SMAD3: variants seen among roughly 807,000 people sequenced by gnomAD.
The protein encoded by SMAD3 is MAD homolog 3.
In SMAD3, 12 loss-of-function variants were observed where a neutral mutation model predicts 51.8. The ratio of observed to expected loss-of-function variants is 0.23; its 90% CI spans 0.15 to 0.38. The LOEUF is 0.38. Among genes scored for constraint, SMAD3 ranks in the 10% least tolerant of loss-of-function variants. The pLI, the probability that SMAD3 is intolerant of heterozygous loss-of-function variation, is 1.00. For synonymous variants in SMAD3, 238 were observed against 227.7 expected (o/e 1.05, Z -0.41); for missense variants, 294 against 565.6 (o/e 0.52, Z 4.87).
chr15:67,174,052 T>C (rs1208411784), intron 5 of SMAD3, among the ~76,000 whole-genome samples: 1 of 152,222 alleles, frequency 6.6e-6, no homozygotes, highest in East Asian at 1.9e-4. Context: ...CATGAACACA[T>C]GTGGCAGCCT....
intron 1 of SMAD3, among the ~76,000 whole-genome samples, chr15:67,161,689 T>C (rs545026650): frequency 1.3e-5 from 2 of 152,270 alleles, no homozygotes; most frequent in East Asian, 3.9e-4. Context: ...ACCCTACTTA[T>C]CCAGGGCTGG....
At chr15:67,151,455 C>T (rs1314760829) in intron 1 of SMAD3, among the ~76,000 whole-genome samples, 1 of 152,132 alleles carries the variant, frequency 6.6e-6, no homozygotes, top group East Asian at 1.9e-4. Context: ...GCCTCAGCCT[C>T]CTGAGTAGCT....
chr15:67,169,657 C>T (rs1397266471), intron 4 of SMAD3, among the ~76,000 whole-genome samples: 1 of 143,182 alleles, frequency 7.0e-6, no homozygotes. Context: ...GAGACAGGGT[C>T]TCCCTATATC....
chr15:67,149,693 A>G (rs1407338149), intron 1 of SMAD3, among the ~76,000 whole-genome samples: 1 of 152,040 alleles, frequency 6.6e-6, no homozygotes, highest in African/African-American at 2.4e-5. Context: ...GTACCCTTAG[A>G]CAGAAAGGAA....
At chr15:67,137,990 C>T in intron 1 of SMAD3, 1 of 1,474,286 alleles carries the variant, frequency 6.8e-7, no homozygotes, top group African/African-American at 1.4e-5. Flanking sequence ...ATCAGAATCC[C>T]TCCCTCCCGT....
intron 1 of SMAD3, among the ~76,000 whole-genome samples, chr15:67,141,116 C>T (rs1271332010): frequency 2.0e-5 from 3 of 152,210 alleles, no homozygotes; most frequent in Admixed American, 1.3e-4. Flanking sequence ...TGGCTGTCTT[C>T]TGGGTCTCCC....
At position 67,066,091 on chromosome 15, in the gene SMAD3, C is replaced by A; in HGVS notation, c.-64C>A. ...CCGGCCGAGCTCCCCTCTGCGCCCC[C>A]GGCGTCCCGTCGAGCCCAGCCCCGC... On this transcript the variant is annotated 5_prime_UTR_variant, in exon 1 of 9. Coordinates refer to ENST00000327367, the MANE Select transcript of SMAD3 (RefSeq NM_005902.4). 7.6e-7 allele frequency: 1 copy of A among 1,314,518 alleles called. No homozygotes were observed. Among genetic ancestry groups the A allele is most frequent in the Non-Finnish European group, 1.1e-6 (1 of 950,192 alleles). 81.4% of individuals were successfully genotyped at this position (1,314,518 alleles called of 1,614,324 possible).
At chr15:67,122,013 G>A (rs751987673) in intron 1 of SMAD3, among the ~76,000 whole-genome samples, 1 of 152,174 alleles carries the variant, frequency 6.6e-6, no homozygotes, top group East Asian at 1.9e-4. Context: ...CACACCAGCC[G>A]CATTTCAAGT....
At chr15:67,161,645 A>C (rs895347746) in intron 1 of SMAD3, among the ~76,000 whole-genome samples, 1 of 150,698 alleles carries the variant, frequency 6.6e-6, no homozygotes, top group African/African-American at 2.4e-5. Flanking sequence ...ACCACTTCCC[A>C]CTCTCCCTTT....
intron 1 of SMAD3, among the ~76,000 whole-genome samples, chr15:67,149,508 C>A (rs760006510): frequency 6.6e-6 from 1 of 152,156 alleles, no homozygotes; most frequent in Non-Finnish European, 1.5e-5. Flanking sequence ...CCGGCTTAAT[C>A]GAGGAGGGCT....
chr15:67,191,754 A>G lies in SMAD3; in HGVS notation c.*1218A>G, dbSNP rs911816181. On this transcript the variant is annotated 3_prime_UTR_variant, in exon 9 of 9. Transcript: ENST00000327367. ...TAGGCAAATGAAAAGGGCTATTAAA[A>G]TATTTTTACACCTTTGAAAATTGCA... 2 of 230,514 alleles carry G rather than the reference A, an allele frequency of 8.7e-6. No homozygotes were observed. The highest frequency in any genetic ancestry group is 1.2e-4 in the East Asian group (2 of 16,314). 14.3% of individuals were successfully genotyped at this position (230,514 alleles called of 1,614,324 possible). A position where few individuals can be genotyped will look rare whatever the true frequency, so the allele number is the denominator to read the frequency against.
Position 67,108,874 on chromosome 15 carries a change from G to A in SMAD3, c.206+42514G>A, listed in dbSNP as rs1276493189. ...TTCATTTGGAAAGAAAAAAAAAAGT[G>A]GAAAACCAGAGATTGCACTGATCTG... On this transcript the variant is annotated intron_variant, in intron 1 of 8. Transcript: ENST00000327367. Among the ~76,000 whole-genome samples, 3 of 152,154 alleles carry A rather than the reference G, an allele frequency of 2.0e-5. No homozygotes were observed. The East Asian group carries it at 5.8e-4, about 29-fold the overall frequency.
At chr15:67,102,844 C>T (rs1359991104) in intron 1 of SMAD3, among the ~76,000 whole-genome samples, 1 of 152,180 alleles carries the variant, frequency 6.6e-6, no homozygotes, top group Non-Finnish European at 1.5e-5. Context: ...CTGCTCCTCC[C>T]AGGTGAGGCT....
At chr15:67,125,491 A>G (rs988683409) in intron 1 of SMAD3, among the ~76,000 whole-genome samples, 7 of 152,190 alleles carry the variant, frequency 4.6e-5, no homozygotes, top group Admixed American at 2.6e-4. Context: ...CCTCAGGACC[A>G]CTCTTGTAGC....
intron 1 of SMAD3, among the ~76,000 whole-genome samples, chr15:67,106,964 C>T (rs1337795939): frequency 2.6e-5 from 4 of 152,042 alleles, no homozygotes; most frequent in Non-Finnish European, 5.9e-5. Context: ...ACTCTGGTAG[C>T]TTTCCAGGGA....
At chr15:67,079,553 A>G (rs181589445) in intron 1 of SMAD3, among the ~76,000 whole-genome samples, 18 of 152,286 alleles carry the variant, frequency 1.2e-4, no homozygotes, top group South Asian at 2.1e-4. Flanking sequence ...ACTGTTAGCA[A>G]ATCACCTAAG....
At chr15:67,159,468 T>G (rs1279278205) in intron 1 of SMAD3, among the ~76,000 whole-genome samples, 3 of 152,230 alleles carry the variant, frequency 2.0e-5, no homozygotes, top group Non-Finnish European at 2.9e-5. Context: ...AACTGAGGCT[T>G]ATTAAGTCCA....
chr15:67,181,509 C>A, intron 6 of SMAD3, 56 bp downstream of exon 6: 2 of 1,386,920 alleles, frequency 1.4e-6, no homozygotes, highest in Non-Finnish European at 2.0e-6. Flanking sequence ...CTCTATCCCA[C>A]CCCCAGCCCC....
chr15:67,189,765 C>A (rs188549120), intron 8 of SMAD3, among the ~76,000 whole-genome samples: 73 of 152,218 alleles, frequency 4.8e-4, no homozygotes, highest in African/African-American at 1.6e-3. Flanking sequence ...CATCAACCAG[C>A]CTGAATTTAG....
Sources: gnomAD v4.1 joint callset for allele counts (sites outside exome capture counted in the v4.1 genomes callset) on GRCh38, gnomAD v4.1.1 for gene constraint, MANE v1.5 for transcripts, NCBI Gene and HGNC (gene_info 2026-07-23, HGNC 2026-07-21) for gene names.